NOL10: variants seen among roughly 807,000 people sequenced by gnomAD.
NOL10 encodes the protein H_NH0074G24.1.
NOL10 carries 58 observed loss-of-function variants against 103.5 expected under a neutral mutation model. The observed-to-expected ratio is 0.56, with a 90% CI of 0.45 to 0.70. NOL10 has a LOEUF of 0.70. Ranked by LOEUF, NOL10 falls within the 30% of genes least tolerant of loss-of-function variation. NOL10 has a pLI of 0.00. For synonymous variants in NOL10, 287 were observed against 282.5 expected (o/e 1.02, Z -0.16); for missense variants, 763 against 807.3 (o/e 0.95, Z 0.67).
At chr2:10,653,165 A>T (rs1245394609) in intron 12 of NOL10, among the ~76,000 whole-genome samples, 2 of 151,380 alleles carry the variant, frequency 1.3e-5, no homozygotes, top group Non-Finnish European at 2.9e-5. Flanking sequence ...ACTGCGCTCC[A>T]GCCTGGGTGA....
intron 1 of NOL10, among the ~76,000 whole-genome samples, chr2:10,685,500 CCCCCCCCGCCA>C (rs747349188): frequency 0.33 from 11,209 of 33,758 alleles, 718 homozygotes; most frequent in South Asian, 0.45. Context: ...CCCCCCCCCC[CCCCCCCCGCCA>C]AAAAAAAAGA....
chr2:10,662,016 AGTC>A (rs1342399120), intron 9 of NOL10, among the ~76,000 whole-genome samples: 3 of 152,118 alleles, frequency 2.0e-5, no homozygotes, highest in African/African-American at 7.2e-5. Flanking sequence ...AACACTCTAT[AGTC>A]AACAGTATGG....
chr2:10,613,001 T>TAAA (rs71392245), intron 13 of NOL10, among the ~76,000 whole-genome samples: 2 of 137,980 alleles, frequency 1.4e-5, no homozygotes, highest in Non-Finnish European at 3.2e-5. Flanking sequence ...AAGACCCTGT[T>TAAA]AAAAAAAAAA....
chr2:10,617,633 A>C (rs1188697161), intron 13 of NOL10, among the ~76,000 whole-genome samples: 2 of 152,152 alleles, frequency 1.3e-5, no homozygotes, highest in Admixed American at 6.5e-5. Flanking sequence ...AGGGAGGGGG[A>C]AAGTTGCCAG....
chr2:10,613,427 A>G (rs1421867189), intron 13 of NOL10, among the ~76,000 whole-genome samples: 2 of 152,230 alleles, frequency 1.3e-5, no homozygotes, highest in African/African-American at 4.8e-5. Flanking sequence ...AGAAATTTTT[A>G]AAAGGTTCTA....
At position 10,577,669 on chromosome 2, in the gene NOL10, A is replaced by G; in HGVS notation, c.1914T>C (p.Val638=). 1.2e-6 allele frequency: 2 copies of G among 1,612,922 alleles called. No homozygotes were observed. The highest frequency in any genetic ancestry group is 1.7e-6 in the Non-Finnish European group (2 of 1,179,386). Residue 638 remains valine (V), a synonymous_variant, in exon 20 of 21, where the codon GTT becomes GTC. Transcript: ENST00000381685. ...ACGTGAATGTCAATTGTTTGCTGCCAACGGTGGTGTCGGATACACTCAATG... is the reference window on the plus strand; with the variant it reads ...ACGTGAATGTCAATTGTTTGCTGCCGACGGTGGTGTCGGATACACTCAATG... The part of the protein sequence containing the change: ...NGTLSVSDTT[V]GSKQLTFTLK...
intron 2 of NOL10, among the ~76,000 whole-genome samples, chr2:10,682,834 G>T (rs1681875438): frequency 6.6e-6 from 1 of 151,970 alleles, no homozygotes; most frequent in African/African-American, 2.4e-5. Flanking sequence ...GTCCAAGCTG[G>T]AGTGCAGTGG....
intron 13 of NOL10, among the ~76,000 whole-genome samples, chr2:10,608,460 G>A (rs1252415634): frequency 6.6e-6 from 1 of 152,128 alleles, no homozygotes; most frequent in Non-Finnish European, 1.5e-5. Context: ...GTATGCCAAA[G>A]GAAACCTTGG....
intron 16 of NOL10, 48 bp from the exon 17 acceptor site, chr2:10,600,990 C>T: frequency 9.3e-7 from 1 of 1,080,890 alleles, no homozygotes; most frequent in Non-Finnish European, 1.4e-6. Context: ...TAAAAGCTAA[C>T]ATATTTACAT....
intron 14 of NOL10, 57 bp downstream of exon 14, chr2:10,607,127 CA>C (rs1246262063): frequency 9.5e-4 from 1,152 of 1,213,116 alleles, no homozygotes; most frequent in South Asian, 2.2e-3. Context: ...GTTCAAAACT[CA>C]AAAAAAAAGT....
intron 8 of NOL10, among the ~76,000 whole-genome samples, chr2:10,665,858 T>C (rs1680532929): frequency 6.6e-6 from 1 of 152,224 alleles, no homozygotes. Flanking sequence ...TAGTGTCCCA[T>C]TTCAAATATT....
chr2:10,626,544 A>G (rs995101465), intron 13 of NOL10, among the ~76,000 whole-genome samples: 1 of 152,220 alleles, frequency 6.6e-6, no homozygotes, highest in African/African-American at 2.4e-5. Flanking sequence ...AACCAAAAAA[A>G]AAGAAGAGAT....
At chr2:10,640,052 C>G (rs1053686297) in intron 13 of NOL10, among the ~76,000 whole-genome samples, 1 of 152,144 alleles carries the variant, frequency 6.6e-6, no homozygotes, top group Non-Finnish European at 1.5e-5. Context: ...TAAAAGAACA[C>G]TAAGTTGCCT....
chr2:10,674,334 G>C (rs577013735), intron 4 of NOL10, among the ~76,000 whole-genome samples: 13 of 152,140 alleles, frequency 8.5e-5, no homozygotes, highest in African/African-American at 3.1e-4. Context: ...CCAAATTCTA[G>C]GCCAACTGAT....
At chr2:10,583,116 C>T (rs754541761) in intron 19 of NOL10, among the ~76,000 whole-genome samples, 3 of 152,100 alleles carry the variant, frequency 2.0e-5, no homozygotes, top group Non-Finnish European at 4.4e-5. Flanking sequence ...CAGGTTTGGC[C>T]CTTTCCAGTT....
intron 19 of NOL10, among the ~76,000 whole-genome samples, chr2:10,579,014 C>T (rs1674615853): frequency 6.6e-6 from 1 of 151,914 alleles, no homozygotes; most frequent in South Asian, 2.1e-4. Flanking sequence ...TCTTTTTTTC[C>T]CTGAAATATG....
chr2:10,649,583 G>C (rs1679328478), intron 12 of NOL10, among the ~76,000 whole-genome samples: 2 of 152,064 alleles, frequency 1.3e-5, no homozygotes, highest in South Asian at 4.1e-4. Flanking sequence ...GCCTCCCAAA[G>C]TACTAGGACT....
intron 19 of NOL10, among the ~76,000 whole-genome samples, chr2:10,583,248 T>G (rs6711473): frequency 6.6e-6 from 1 of 152,148 alleles, no homozygotes; most frequent in East Asian, 1.9e-4. Context: ...AAATTCTATG[T>G]AAATACATCA....
intron 17 of NOL10, among the ~76,000 whole-genome samples, chr2:10,592,643 T>A (rs868154212): frequency 1.4e-4 from 21 of 152,256 alleles, no homozygotes; most frequent in African/African-American, 5.1e-4. Context: ...TTCATCTTAC[T>A]ATATTTATTA....
Sources: gnomAD v4.1 joint callset for allele counts (sites outside exome capture counted in the v4.1 genomes callset) on GRCh38, gnomAD v4.1.1 for gene constraint, MANE v1.5 for transcripts, NCBI Gene and HGNC (gene_info 2026-07-23, HGNC 2026-07-21) for gene names.